NADSYN1: variants seen among roughly 807,000 people sequenced by gnomAD.
NADSYN1 encodes the protein glutamine-dependent NAD(+) synthetase.
Under a neutral mutation model 99.3 loss-of-function variants are expected in NADSYN1, and 80 were observed. The ratio of observed to expected loss-of-function variants is 0.81; its 90% CI spans 0.67 to 0.97. The LOEUF is 0.97. Ranked by LOEUF, NADSYN1 falls within the 50% of genes least tolerant of loss-of-function variation. NADSYN1 has a pLI of 0.00. For missense variants in NADSYN1, 859 were observed against 948.5 expected (o/e 0.91, Z 1.24); for synonymous variants, 385 against 372.1 (o/e 1.03, Z -0.40).
intron 2 of NADSYN1, among the ~76,000 whole-genome samples, chr11:71,457,851 A>C (rs956944974): frequency 8.5e-5 from 13 of 152,302 alleles, no homozygotes; most frequent in Admixed American, 5.2e-4. Context: ...TGCAAAAGCC[A>C]GGGTGATCTC....
intron 13 of NADSYN1, among the ~76,000 whole-genome samples, chr11:71,482,425 C>T (rs1244754909): frequency 6.6e-6 from 1 of 152,140 alleles, no homozygotes; most frequent in African/African-American, 2.4e-5. Context: ...CCTGGGCTGG[C>T]GCTGCACAGG....
intron 14 of NADSYN1, among the ~76,000 whole-genome samples, chr11:71,483,984 C>T (rs1338229017): frequency 6.6e-6 from 1 of 152,158 alleles, no homozygotes; most frequent in African/African-American, 2.4e-5. Flanking sequence ...ATTCCATTTC[C>T]ACGCAATGTC....
intron 18 of NADSYN1, among the ~76,000 whole-genome samples, chr11:71,494,664 C>T (rs1949807963): frequency 6.6e-6 from 1 of 152,170 alleles, no homozygotes; most frequent in South Asian, 2.1e-4. Context: ...AAGCAATTCT[C>T]CTGCCTCAGC....
intron 5 of NADSYN1, among the ~76,000 whole-genome samples, chr11:71,467,281 C>T (rs1949598538): frequency 6.6e-6 from 1 of 152,204 alleles, no homozygotes; most frequent in African/African-American, 2.4e-5. Context: ...GTTACTGTAG[C>T]ACCCGCAGGC....
chr11:71,464,092 T>G lies in NADSYN1; in HGVS notation c.357T>G (p.Asn119Lys). The change falls in exon 5 of 21, where the codon AAT becomes AAG. Residue 119 changes from asparagine to lysine, a missense_variant. Physicochemically the swap from Asn to Lys is moderately conservative, Grantham distance 94. Transcript: ENST00000319023. Reference protein sequence around the residue: ...LLIRPKMALANEGNYRELRWF... With the variant: ...LLIRPKMALAKEGNYRELRWF... ...TCAGACCCAAGATGGCCTTGGCCAA[T>G]GAAGGCAACTACCGCGAGCTGCGCT... The G allele has an allele frequency of 6.2e-7, 1 of 1,612,800 alleles. No homozygotes were observed. The highest frequency in any genetic ancestry group is 8.5e-7 in the Non-Finnish European group (1 of 1,179,544).
Position 71,484,342 on chromosome 11 carries a change from C to T in NADSYN1, c.1350C>T (p.Ala450=), listed in dbSNP as rs375803154. ...SHHISLNIDP[A]VKAVMGIFSL... ...ACATCAGTCTCAACATCGATCCAGC[C>T]GTGAAGGCCGTCATGGGCATCTTCA... Residue 450 remains alanine (A), a synonymous_variant, in exon 15 of 21, where the codon GCC becomes GCT. Coordinates refer to ENST00000319023, the MANE Select transcript of NADSYN1 (RefSeq NM_018161.5). 1.5e-5 allele frequency: 25 copies of T among 1,614,092 alleles called. No homozygotes were observed. Among genetic ancestry groups the T allele is most frequent in the East Asian group, 4.5e-5 (2 of 44,902 alleles).
intron 3 of NADSYN1, among the ~76,000 whole-genome samples, chr11:71,461,720 C>T (rs2120406955): frequency 6.6e-6 from 1 of 152,330 alleles, no homozygotes; most frequent in East Asian, 1.9e-4. Flanking sequence ...AGCCACAGCA[C>T]CCAGTCGCTA....
intron 10 of NADSYN1, 66 bp downstream of exon 10, chr11:71,478,535 G>A: frequency 7.0e-7 from 1 of 1,426,854 alleles, no homozygotes; most frequent in Non-Finnish European, 9.7e-7. Flanking sequence ...CCCCATTCGT[G>A]CGGGCCTGGT....
chr11:71,500,526 C>G (rs1949850403), intron 20 of NADSYN1, among the ~76,000 whole-genome samples: 1 of 152,182 alleles, frequency 6.6e-6, no homozygotes, highest in Non-Finnish European at 1.5e-5. Flanking sequence ...CCCTCCCAAC[C>G]CCACACCCAG....
rs371638330 is a variant in NADSYN1 at position 71,497,649 on chromosome 11, T to G, written c.1893+38T>G. On this transcript the variant is annotated intron_variant, in intron 19 of 20. Transcript: ENST00000319023. ...AGACGCATCACAGAGGGAGGCCAGTTAGGTAATGTCCCCTTTGCAGAGGCC... is the reference window on the plus strand; with the variant it reads ...AGACGCATCACAGAGGGAGGCCAGTGAGGTAATGTCCCCTTTGCAGAGGCC... 2.5e-4 allele frequency: 401 copies of G among 1,613,110 alleles called. 4 individuals are homozygous for G. The South Asian group carries it at 4.2e-3, about 17-fold the overall frequency.
intron 12 of NADSYN1, 78 bp downstream of exon 12, chr11:71,481,482 GA>G (rs746329667): frequency 9.0e-6 from 12 of 1,336,220 alleles, no homozygotes; most frequent in Non-Finnish European, 1.3e-5. Context: ...GCAGGGTAGG[GA>G]TTTTTTTTTT....
At chr11:71,485,461 G>C (rs1949735875) in intron 15 of NADSYN1, 81 bp from the exon 16 acceptor site, 2 of 1,094,810 alleles carry the variant, frequency 1.8e-6, no homozygotes, top group Non-Finnish European at 2.6e-6. Context: ...TAATTTTCTT[G>C]TTTTCAAGAG....
intron 18 of NADSYN1, among the ~76,000 whole-genome samples, chr11:71,493,049 C>T (rs1299754623): frequency 2.6e-5 from 4 of 152,022 alleles, no homozygotes; most frequent in African/African-American, 7.3e-5. Flanking sequence ...CACCATGTCT[C>T]GCTAAGTTTT....
intron 18 of NADSYN1, 155 bp from the exon 19 acceptor site, chr11:71,497,328 C>G (rs977604085): frequency 7.2e-6 from 6 of 836,312 alleles, no homozygotes; most frequent in Non-Finnish European, 1.1e-5. Flanking sequence ...TCCTTACTGG[C>G]TGACTAGCAA....
At chr11:71,458,343 G>T in intron 2 of NADSYN1, 85 bp from the exon 3 acceptor site, 1 of 1,015,120 alleles carries the variant, frequency 9.9e-7, no homozygotes, top group Non-Finnish European at 1.6e-6. Context: ...CCCCAGACAC[G>T]TTCAGACTGG....
At chr11:71,477,797 G>A (rs1373321698) in intron 9 of NADSYN1, among the ~76,000 whole-genome samples, 13 of 152,228 alleles carry the variant, frequency 8.5e-5, no homozygotes, top group Non-Finnish European at 4.4e-5. Flanking sequence ...CCTTTGTGTT[G>A]GCCTCAGTCT....
chr11:71,473,245 T>C (rs773662559), intron 6 of NADSYN1, 33 bp from the exon 7 acceptor site: 2 of 1,599,178 alleles, frequency 1.3e-6, no homozygotes, highest in East Asian at 2.2e-5. Flanking sequence ...GCATGGCTAG[T>C]GAATCTCATG....
At chr11:71,483,851 T>C (rs953773805) in intron 14 of NADSYN1, among the ~76,000 whole-genome samples, 8 of 152,336 alleles carry the variant, frequency 5.3e-5, no homozygotes, top group African/African-American at 1.7e-4. Context: ...GGAATATTAG[T>C]CACCCACGAA....
At chr11:71,500,255 C>T (rs75514745) in intron 20 of NADSYN1, among the ~76,000 whole-genome samples, 5,810 of 152,164 alleles carry the variant, frequency 0.038, 345 homozygotes, top group African/African-American at 0.12. Flanking sequence ...GAGGAAAACC[C>T]GCCTGTGCTG....
Sources: gnomAD v4.1 joint callset for allele counts (sites outside exome capture counted in the v4.1 genomes callset) on GRCh38, gnomAD v4.1.1 for gene constraint, MANE v1.5 for transcripts, NCBI Gene and HGNC (gene_info 2026-07-23, HGNC 2026-07-21) for gene names.